Variants in ABHD5 observed in about 807,000 individuals in gnomAD.
The protein encoded by ABHD5 is abhydrolase domain containing 5, lysophosphatidic acid acyltransferase, also known as 1-acylglycerol-3-phosphate O-acyltransferase ABHD5.
In ABHD5, 30 loss-of-function variants were observed where a neutral mutation model predicts 44.9. That is an observed-to-expected ratio of 0.67 (90% CI 0.50 to 0.91). ABHD5 has a LOEUF of 0.91. Ranked by LOEUF, ABHD5 falls within the 40% of genes least tolerant of loss-of-function variation. ABHD5 has a pLI of 0.00. For missense variants in ABHD5, 399 were observed against 423.4 expected (o/e 0.94, Z 0.50); for synonymous variants, 167 against 147.0 (o/e 1.14, Z -0.99).
intron 3 of ABHD5, among the ~76,000 whole-genome samples, chr3:43,705,029 C>T (rs1195599849): frequency 6.6e-6 from 1 of 152,152 alleles, no homozygotes; most frequent in African/African-American, 2.4e-5. Flanking sequence ...ATGATGTTTT[C>T]TGGATTTTCA....
At chr3:43,692,214 G>A (rs560742061) in intron 1 of ABHD5, among the ~76,000 whole-genome samples, 25 of 152,214 alleles carry the variant, frequency 1.6e-4, no homozygotes, top group Non-Finnish European at 3.4e-4. Context: ...TATTTGGAAA[G>A]ATGTCATGGG....
Position 43,711,731 on chromosome 3 carries a change from G to C in ABHD5, c.529G>C (p.Glu177Gln), listed in dbSNP as rs1399714277. Reference sequence around the variant, plus strand: ...CAGGGTTAATCATCTCATTTTAGTGGAGCCTTGGGGTTTCCCTGAACGACC... The same window carrying C: ...CAGGGTTAATCATCTCATTTTAGTGCAGCCTTGGGGTTTCCCTGAACGACC... Reference protein sequence around the residue: ...PSRVNHLILVEPWGFPERPDL... With the variant: ...PSRVNHLILVQPWGFPERPDL... The change falls in exon 4 of 7, where the codon GAG becomes CAG. Residue 177 changes from glutamate to glutamine, a missense_variant. By Grantham distance (29) the Glu-to-Gln change is conservative. Transcript: ENST00000644371. The C allele has an allele frequency of 6.2e-7, 1 of 1,614,046 alleles. No homozygotes were observed. Among genetic ancestry groups the C allele is most frequent in the Non-Finnish European group, 8.5e-7 (1 of 1,180,008 alleles).
intron 5 of ABHD5, 35 bp downstream of exon 5, chr3:43,715,093 G>A: frequency 1.9e-6 from 2 of 1,061,590 alleles, no homozygotes; most frequent in Non-Finnish European, 2.9e-6. Flanking sequence ...CTCTGTGTGT[G>A]TGTGTGTGTG....
chr3:43,713,846 C>G (rs1331376385), intron 4 of ABHD5, among the ~76,000 whole-genome samples: 3 of 151,948 alleles, frequency 2.0e-5, no homozygotes, highest in East Asian at 3.9e-4. Context: ...TGCCCTCAGC[C>G]TGCCATTATT....
rs2084839186 is a variant in ABHD5, at chr3:43,721,748, G to A, written c.*3216G>A. 1 of 151,832 alleles carries A rather than the reference G, an allele frequency of 6.6e-6. No individual in the cohort carries two copies. The allele number at this position is 151,832 out of a possible 1,614,324, so 9.4% of individuals were successfully genotyped here. A position where few individuals can be genotyped will look rare whatever the true frequency, so the allele number is the denominator to read the frequency against. On this transcript the variant is annotated 3_prime_UTR_variant, in exon 7 of 7. Coordinates refer to ENST00000644371, the MANE Select transcript of ABHD5 (RefSeq NM_016006.6). ...AATATTTGCAGCATTTATCACAGAG[G>A]GCTAATTGTAGCCCTATATATGAAG... is the stretch of plus-strand genomic sequence containing the variant.
intron 1 of ABHD5, chr3:43,691,246 G>C: frequency 2.3e-6 from 1 of 431,254 alleles, no homozygotes; most frequent in Non-Finnish European, 3.9e-6. Flanking sequence ...TCAGCGTCGG[G>C]GCCCCGAGGT....
intron 1 of ABHD5, among the ~76,000 whole-genome samples, chr3:43,695,909 C>G (rs2084468605): frequency 6.6e-6 from 1 of 152,184 alleles, no homozygotes; most frequent in African/African-American, 2.4e-5. Flanking sequence ...TCTTTTATAA[C>G]TTTTCTTACT....
intron 7 of ABHD5, among the ~76,000 whole-genome samples, chr3:43,728,165 G>A (rs17075943): frequency 0.021 from 3,222 of 152,254 alleles, 55 homozygotes; most frequent in South Asian, 0.092. Context: ...ATTTATGGTT[G>A]GAGCCATGCT....
intron 7 of ABHD5, among the ~76,000 whole-genome samples, chr3:43,728,191 A>G (rs1275402184): frequency 6.6e-6 from 1 of 152,232 alleles, no homozygotes; most frequent in African/African-American, 2.4e-5. Flanking sequence ...ATTGTAATCT[A>G]ATAGCCCTAG....
rs1375999336 is a variant in ABHD5, at chr3:43,707,202, T to G, written c.507-4507T>G. ...TATTTTAAAGATATTTGTTATAAAC[T>G]ACGGAAAAGGAGATTATAGAAACTT... On this transcript the variant is annotated intron_variant, in intron 3 of 6. Coordinates refer to ENST00000644371, the MANE Select transcript of ABHD5 (RefSeq NM_016006.6). Among the ~76,000 whole-genome samples the G allele has an allele frequency of 2.0e-5, 3 of 152,326 alleles. No individual in the cohort carries two copies. The South Asian group carries it at 6.2e-4, about 32-fold the overall frequency.
At chr3:43,731,951 C>T (rs914847440) in intron 7 of ABHD5, among the ~76,000 whole-genome samples, 2 of 152,150 alleles carry the variant, frequency 1.3e-5, no homozygotes, top group African/African-American at 4.8e-5. Flanking sequence ...TGCAGTTGCA[C>T]AGCTCATGTG....
downstream of ABHD5, among the ~76,000 whole-genome samples, chr3:43,724,102 C>G (rs1010341764): frequency 6.6e-5 from 10 of 151,994 alleles, no homozygotes; most frequent in Non-Finnish European, 1.2e-4. Context: ...TATGTACGGT[C>G]TATGCTATTT....
chr3:43,713,439 G>A (rs1033843053), intron 4 of ABHD5, among the ~76,000 whole-genome samples: 1 of 151,982 alleles, frequency 6.6e-6, no homozygotes, highest in East Asian at 1.9e-4. Flanking sequence ...CTGTCATGCA[G>A]GTGACTGTAA....
At chr3:43,717,886 A>G (rs1415022999) in intron 6 of ABHD5, 29 bp downstream of exon 6, 1 of 1,613,706 alleles carries the variant, frequency 6.2e-7, no homozygotes, top group Non-Finnish European at 8.5e-7. Context: ...TTGGGTTTTT[A>G]GGTATAGGTG....
intron 2 of ABHD5, 123 bp downstream of exon 2, chr3:43,699,484 C>A: frequency 1.0e-6 from 1 of 966,010 alleles, no homozygotes. Context: ...TAACTTTTTT[C>A]CTTTTCCTTG....
Position 43,720,394 on chromosome 3 carries a change from C to T in ABHD5, c.*1862C>T, listed in dbSNP as rs1445075972. On this transcript the variant is annotated 3_prime_UTR_variant, in exon 7 of 7. Transcript: ENST00000644371. ...TTACTTAGTGAATGGAGTTTCTGGC[C>T]GCAGATGTGCCAAGTGATTGAAGAA... 6.6e-6 allele frequency: 1 copy of T among 152,064 alleles called. No individual in the cohort carries two copies. Among genetic ancestry groups the T allele is most frequent in the South Asian group, 2.1e-4 (1 of 4,828 alleles). 9.4% of individuals were successfully genotyped at this position (152,064 alleles called of 1,614,324 possible). A position where few individuals can be genotyped will look rare whatever the true frequency, so the allele number is the denominator to read the frequency against.
chr3:43,732,062 C>G (rs1200387261), intron 7 of ABHD5, among the ~76,000 whole-genome samples: 1 of 151,934 alleles, frequency 6.6e-6, no homozygotes, highest in African/African-American at 2.4e-5. Context: ...AAAAAATGAT[C>G]CCAGTAAAAC....
At chr3:43,695,410 G>C (rs1189452515) in intron 1 of ABHD5, among the ~76,000 whole-genome samples, 2 of 152,120 alleles carry the variant, frequency 1.3e-5, no homozygotes, top group African/African-American at 4.8e-5. Context: ...GCTGTGCTTA[G>C]GTTTATCAAG....
chr3:43,702,011 A>T (rs1029043332), intron 2 of ABHD5: 1 of 529,184 alleles, frequency 1.9e-6, no homozygotes, highest in Admixed American at 3.5e-5. Flanking sequence ...TGTCTGAGGT[A>T]GGTCTTCCCC....
Sources: gnomAD v4.1 joint callset for allele counts (sites outside exome capture counted in the v4.1 genomes callset) on GRCh38, gnomAD v4.1.1 for gene constraint, MANE v1.5 for transcripts, NCBI Gene and HGNC (gene_info 2026-07-23, HGNC 2026-07-21) for gene names.